SPTBN1: variants seen among roughly 807,000 people sequenced by gnomAD.
SPTBN1 encodes spectrin beta, non-erythrocytic 1.
A neutral mutation model predicts 266.4 loss-of-function variants in SPTBN1; 32 were observed. The observed-to-expected ratio is 0.12, with a 90% confidence interval of 0.09 to 0.16. SPTBN1 has a LOEUF of 0.16. Among genes scored for constraint, SPTBN1 ranks in the 10% least tolerant of loss-of-function variants. The pLI is 1.00. For missense variants in SPTBN1, 2,296 were observed against 3,067.1 expected (o/e 0.75, Z 5.94); for synonymous variants, 1,336 against 1,162.2 (o/e 1.15, Z -3.04).
intron 18 of SPTBN1, among the ~76,000 whole-genome samples, chr2:54,641,280 A>G (rs532765126): frequency 3.3e-5 from 5 of 150,168 alleles, no homozygotes. Flanking sequence ...TAAGCCTCTG[A>G]TTTTTATGTA....
rs548453457 is a variant in SPTBN1, at chr2:54,642,904, A to G, written c.3859-79A>G. ...ACGTGTGTAGTATGCATAATATGAC[A>G]TAAACACAACCCTTTCCAGGCGGAA... On this transcript the variant is annotated intron_variant, in intron 18 of 35. Transcript: ENST00000356805. 3.9e-6 allele frequency: 6 copies of G among 1,541,162 alleles called. No homozygotes were observed. The East Asian group carries it at 1.4e-4, about 35-fold the overall frequency.
At chr2:54,604,792 C>A (rs559413847) in intron 3 of SPTBN1, among the ~76,000 whole-genome samples, 26 of 152,136 alleles carry the variant, frequency 1.7e-4, no homozygotes, top group African/African-American at 6.3e-4. Flanking sequence ...GTGAAAAAAA[C>A]ACAGGAATCC....
intron 3 of SPTBN1, among the ~76,000 whole-genome samples, chr2:54,605,368 C>G (rs1191106750): frequency 6.6e-6 from 1 of 152,198 alleles, no homozygotes; most frequent in Non-Finnish European, 1.5e-5. Context: ...TCACCACATC[C>G]TAACTAGCTG....
chr2:54,610,439 T>A (rs1000090744), intron 3 of SPTBN1, among the ~76,000 whole-genome samples: 1 of 152,198 alleles, frequency 6.6e-6, no homozygotes, highest in African/African-American at 2.4e-5. Context: ...ATTTATTTAT[T>A]TATTTTGTAG....
intron 2 of SPTBN1, among the ~76,000 whole-genome samples, chr2:54,589,859 G>A (rs979848055): frequency 6.6e-6 from 1 of 152,070 alleles, no homozygotes; most frequent in East Asian, 1.9e-4. Context: ...AGGCATATAG[G>A]GGGACTCCAC....
intron 2 of SPTBN1, chr2:54,529,941 G>C (rs1447165536): frequency 1.3e-5 from 5 of 370,462 alleles, no homozygotes; most frequent in South Asian, 1.2e-4. Context: ...TGAGGAAAGG[G>C]AGATATCTTC....
intron 2 of SPTBN1, among the ~76,000 whole-genome samples, chr2:54,565,880 C>T (rs1418767723): frequency 6.6e-6 from 1 of 152,236 alleles, no homozygotes; most frequent in Non-Finnish European, 1.5e-5. Context: ...TGAACACTGA[C>T]AATTCCAGTA....
chr2:54,463,514 G>A (rs866896707), intron 1 of SPTBN1, among the ~76,000 whole-genome samples: 28 of 152,044 alleles, frequency 1.8e-4, no homozygotes, highest in African/African-American at 6.3e-4. Flanking sequence ...CACCCACCTC[G>A]CTCACACGCT....
chr2:54,501,701 G>A (rs902215806), intron 1 of SPTBN1, among the ~76,000 whole-genome samples: 7 of 152,156 alleles, frequency 4.6e-5, no homozygotes, highest in Admixed American at 2.6e-4. Context: ...TTGACATGGC[G>A]GGTCAGGTTG....
intron 3 of SPTBN1, among the ~76,000 whole-genome samples, chr2:54,605,679 T>C (rs577947004): frequency 1.3e-5 from 2 of 152,364 alleles, no homozygotes; most frequent in African/African-American, 4.8e-5. Flanking sequence ...GGTATTGTGC[T>C]TTAAAACATG....
chr2:54,621,090 G>C (rs1432648049), intron 7 of SPTBN1, among the ~76,000 whole-genome samples: 1 of 152,172 alleles, frequency 6.6e-6, no homozygotes, highest in African/African-American at 2.4e-5. Context: ...ATTGACAGGG[G>C]GCGGTGCTGG....
intron 2 of SPTBN1, among the ~76,000 whole-genome samples, chr2:54,567,415 C>T (rs1673738118): frequency 6.6e-6 from 1 of 152,062 alleles, no homozygotes; most frequent in Non-Finnish European, 1.5e-5. Context: ...TCTTGGCTCA[C>T]TGCAACCCTC....
intron 1 of SPTBN1, among the ~76,000 whole-genome samples, chr2:54,524,950 T>C (rs79817775): frequency 3.9e-5 from 1 of 25,780 alleles, no homozygotes; most frequent in Non-Finnish European, 8.0e-5. Flanking sequence ...TCTGCTGTCA[T>C]TTTTTTTTAT....
At chr2:54,624,366 C>A (rs1305141259) in intron 10 of SPTBN1, among the ~76,000 whole-genome samples, 1 of 151,952 alleles carries the variant, frequency 6.6e-6, no homozygotes, top group Non-Finnish European at 1.5e-5. Context: ...GACAGTAGGT[C>A]AGGATTTTGA....
intron 2 of SPTBN1, among the ~76,000 whole-genome samples, chr2:54,561,039 T>C (rs1426244584): frequency 6.6e-6 from 1 of 152,260 alleles, no homozygotes; most frequent in Non-Finnish European, 1.5e-5. Flanking sequence ...TGATTTAATT[T>C]TGTACATTCC....
intron 1 of SPTBN1, among the ~76,000 whole-genome samples, chr2:54,488,291 G>T (rs747137665): frequency 1.3e-5 from 2 of 152,108 alleles, no homozygotes; most frequent in Non-Finnish European, 2.9e-5. Flanking sequence ...GCGGGAAAGT[G>T]ATTTCCTTGC....
intron 2 of SPTBN1, among the ~76,000 whole-genome samples, chr2:54,549,204 G>A (rs779750344): frequency 1.3e-5 from 2 of 149,748 alleles, no homozygotes; most frequent in Admixed American, 1.3e-4. Context: ...CAAGAGAATC[G>A]CTTGAACCCT....
At chr2:54,610,596 A>G (rs946913240) in intron 3 of SPTBN1, among the ~76,000 whole-genome samples, 1 of 151,562 alleles carries the variant, frequency 6.6e-6, no homozygotes, top group Non-Finnish European at 1.5e-5. Context: ...AGATAAAAAG[A>G]TATTTCACAA....
intron 2 of SPTBN1, among the ~76,000 whole-genome samples, chr2:54,595,765 T>C (rs2103654067): frequency 6.6e-6 from 1 of 152,202 alleles, no homozygotes; most frequent in Admixed American, 6.5e-5. Flanking sequence ...CCGCTGATAT[T>C]TTGGGCCAGA....
Sources: allele counts gnomAD v4.1 joint callset (sites outside exome capture counted in the v4.1 genomes callset), GRCh38; gene constraint gnomAD v4.1.1; transcripts MANE v1.5; gene names NCBI Gene and HGNC (gene_info 2026-07-23, HGNC 2026-07-21).